ABCD3: variants seen among roughly 807,000 people sequenced by gnomAD.
ABCD3 encodes the protein ATP binding cassette subfamily D member 3.
A neutral mutation model predicts 105.5 loss-of-function variants in ABCD3; 41 were observed. That is an observed-to-expected ratio of 0.39 (90% CI 0.30 to 0.50). The LOEUF (loss-of-function observed/expected upper bound fraction) is 0.50, where lower values mean the gene tolerates loss of function less well. Ranked by LOEUF, ABCD3 falls within the 20% of genes least tolerant of loss-of-function variation. The probability of loss-of-function intolerance (pLI) is 0.84; values close to 1 mark genes in which losing one functional copy is unlikely to be tolerated. For missense variants in ABCD3, 622 were observed against 806.3 expected (o/e 0.77, Z 2.77); for synonymous variants, 258 against 269.0 (o/e 0.96, Z 0.40).
chr1:94,476,624 C>T (rs1648756360), intron 7 of ABCD3, among the ~76,000 whole-genome samples: 1 of 152,108 alleles, frequency 6.6e-6, no homozygotes, highest in Admixed American at 6.6e-5. Flanking sequence ...GACTGGGTCA[C>T]ATTGTAAGAA....
chr1:94,497,330 G>T (rs1649871816), intron 16 of ABCD3, among the ~76,000 whole-genome samples: 2 of 152,068 alleles, frequency 1.3e-5, no homozygotes, highest in South Asian at 4.1e-4. Flanking sequence ...GCCTAGAACA[G>T]AGCCTGACAG....
At chr1:94,395,806 TGTGA>T in the ABCD3 span, among the ~76,000 whole-genome samples, 7 of 152,086 alleles carry the variant, frequency 4.6e-5, no homozygotes, top group Admixed American at 1.3e-4. Flanking sequence ...GAGACTACAG[TGTGA>T]GTGAGTGTGT....
At chr1:94,420,277 T>C (rs1659209100) in intron 1 of ABCD3, among the ~76,000 whole-genome samples, 1 of 152,136 alleles carries the variant, frequency 6.6e-6, no homozygotes, top group Non-Finnish European at 1.5e-5. Context: ...CCAGTCACAG[T>C]CCACCTAACT....
In ABCD3 at chr1:94,517,200, G is replaced by T. The variant is rs1650956222; in HGVS notation, c.*71G>T. 3 of 1,120,892 alleles carry T rather than the reference G, an allele frequency of 2.7e-6. No individual in the cohort carries two copies. The highest frequency in any genetic ancestry group is 4.9e-5 in the East Asian group (2 of 41,174). The allele number at this position is 1,120,892 out of a possible 1,614,324, so 69.4% of individuals were successfully genotyped here. On this transcript the variant is annotated 3_prime_UTR_variant, in exon 23 of 23. Coordinates refer to ENST00000370214, the MANE Select transcript of ABCD3 (RefSeq NM_002858.4). The stretch of plus-strand genomic sequence containing the variant: ...TATACTTAGAAAGGCAAAGTACATT[G>T]TAAAATAAAGTTGAGCTTAGTTTTT...
intron 8 of ABCD3, chr1:94,478,657 C>A: frequency 1.0e-6 from 1 of 957,318 alleles, no homozygotes; most frequent in Non-Finnish European, 1.5e-6. Flanking sequence ...TCGAGACAAG[C>A]CTGGACAAAA....
the ABCD3 span, among the ~76,000 whole-genome samples, chr1:94,398,217 C>T: frequency 6.6e-6 from 1 of 152,252 alleles, no homozygotes. Context: ...AACATGAGTT[C>T]CTACTGCTAT....
the ABCD3 span, chr1:94,406,386 T>G: frequency 3.1e-6 from 1 of 318,890 alleles, no homozygotes; most frequent in Non-Finnish European, 6.1e-6. Flanking sequence ...GTTGTTGTTT[T>G]ACACTTACTA....
At chr1:94,418,647 T>G in intron 1 of ABCD3, 59 bp downstream of exon 1, 2 of 1,513,548 alleles carry the variant, frequency 1.3e-6, no homozygotes, top group Non-Finnish European at 1.8e-6. Context: ...CCCCGCGCGC[T>G]CTCTCTCCCC....
At chr1:94,506,436 T>C in intron 20 of ABCD3, 102 bp from the exon 21 acceptor site, 1 of 709,664 alleles carries the variant, frequency 1.4e-6, no homozygotes, top group Non-Finnish European at 2.5e-6. Context: ...TTTATACTTT[T>C]GATTTACAAG....
Position 94,498,652 on chromosome 1 carries a change from G to T in ABCD3, c.1437G>T (p.Lys479Asn). The T allele has an allele frequency of 6.2e-7, 1 of 1,613,322 alleles. No homozygotes were observed. The highest frequency in any genetic ancestry group is 8.5e-7 in the Non-Finnish European group (1 of 1,179,876). ...TTTGTGGTCCAAATGGCTGCGGAAA[G>T]AGTTCACTTTTCCGTGTTCTTGGTG... ...VLICGPNGCG[K>N]SSLFRVLGEL... is the part of the protein sequence containing the mutation. Residue 479 changes from lysine (K) to asparagine (N), a missense_variant, in exon 17 of 23, where the codon AAG (lysine) becomes AAT (asparagine). Around this residue, in one of 4 missense-constraint regions of ABCD3, gnomAD observed 285 missense variants for 352.5 expected, o/e 0.81. Transcript: ENST00000370214.
intron 1 of ABCD3, among the ~76,000 whole-genome samples, chr1:94,434,738 T>C (rs1379117967): frequency 6.6e-6 from 1 of 152,200 alleles, no homozygotes; most frequent in Non-Finnish European, 1.5e-5. Context: ...AATACATAAA[T>C]AATGCAATGA....
chr1:94,404,930 C>A, the ABCD3 span, among the ~76,000 whole-genome samples: 6 of 147,764 alleles, frequency 4.1e-5, no homozygotes, highest in Non-Finnish European at 5.9e-5. Context: ...CAGAGCGAGA[C>A]CCATCTCGAA....
At chr1:94,434,034 C>T (rs1049550042) in intron 1 of ABCD3, among the ~76,000 whole-genome samples, 1 of 152,090 alleles carries the variant, frequency 6.6e-6, no homozygotes, top group African/African-American at 2.4e-5. Context: ...GGTGTAGTTA[C>T]CATGAATGGA....
the ABCD3 span, among the ~76,000 whole-genome samples, chr1:94,390,490 A>G: frequency 1.3e-5 from 2 of 152,002 alleles, no homozygotes; most frequent in Admixed American, 1.3e-4. Context: ...TTTAGTAGAG[A>G]TGGGGTTTCA....
chr1:94,448,456 A>G (rs1051478251), intron 1 of ABCD3, among the ~76,000 whole-genome samples: 27 of 152,258 alleles, frequency 1.8e-4, no homozygotes. Flanking sequence ...ATGTTTTTAC[A>G]GATGGGTCTA....
rs181084753 is a variant in ABCD3, at chr1:94,455,708, G to A, written c.111-2899G>A. The A allele has an allele frequency of 7.6e-4, 408 of 535,796 alleles. 2 individuals carry two copies. Among genetic ancestry groups the A allele is most frequent in the African/African-American group, 5.0e-3 (259 of 51,474 alleles). 33.2% of individuals were successfully genotyped at this position (535,796 alleles called of 1,614,324 possible). ...GTTCAGGCCAATTGAAGCTTTATAA[G>A]ATGTCATGGTTCCCTCTGAACAAGG... is the stretch of plus-strand genomic sequence containing the variant. On this transcript the variant is annotated intron_variant, in intron 1 of 22. Transcript: ENST00000370214.
At chr1:94,429,293 C>T (rs931214029) in intron 1 of ABCD3, among the ~76,000 whole-genome samples, 4 of 152,150 alleles carry the variant, frequency 2.6e-5, no homozygotes, top group African/African-American at 9.7e-5. Flanking sequence ...AGAAAATTTG[C>T]AGCCTGACAA....
At chr1:94,470,310 A>G (rs1648387352) in intron 4 of ABCD3, among the ~76,000 whole-genome samples, 1 of 152,196 alleles carries the variant, frequency 6.6e-6, no homozygotes, top group Non-Finnish European at 1.5e-5. Flanking sequence ...AATGATTGGA[A>G]TCATCTGGAG....
At chr1:94,475,839 G>A in intron 7 of ABCD3, 102 bp downstream of exon 7, 3 of 901,622 alleles carry the variant, frequency 3.3e-6, no homozygotes, top group Admixed American at 5.1e-5. Flanking sequence ...ACAGCAGCAT[G>A]TAAATATTTA....
Sources: gnomAD v4.1 joint callset for allele counts (sites outside exome capture counted in the v4.1 genomes callset) on GRCh38, gnomAD v4.1.1 for gene constraint, gnomAD v4.1.1 regional missense constraint, MANE v1.5 for transcripts, NCBI Gene and HGNC (gene_info 2026-07-23, HGNC 2026-07-21) for gene names.